GALNT13: variants seen among roughly 807,000 people sequenced by gnomAD.
GALNT13 encodes the protein polypeptide N-acetylgalactosaminyltransferase 13.
GALNT13 carries 28 observed loss-of-function variants against 64.2 expected under a neutral mutation model. The observed-to-expected ratio is 0.44, with a 90% confidence interval of 0.32 to 0.60. GALNT13 has a LOEUF of 0.60. GALNT13 is among the 20% of genes least tolerant of loss of function. The pLI, the probability that GALNT13 is intolerant of heterozygous loss-of-function variation, is 0.05. For synonymous variants in GALNT13, 214 were observed against 224.6 expected (o/e 0.95, Z 0.42); for missense variants, 577 against 669.8 (o/e 0.86, Z 1.53).
At chr2:153,293,290 T>C in the GALNT13 span, among the ~76,000 whole-genome samples, 1 of 152,104 alleles carries the variant, frequency 6.6e-6, no homozygotes, top group Non-Finnish European at 1.5e-5. Flanking sequence ...GCTTACCTTG[T>C]AATAATACAA....
chr2:154,364,559 C>T (rs538600156), intron 9 of GALNT13, among the ~76,000 whole-genome samples: 2 of 152,290 alleles, frequency 1.3e-5, no homozygotes, highest in African/African-American at 2.4e-5. Context: ...TCTTAAAATG[C>T]GGTTATCTAA....
the GALNT13 span, among the ~76,000 whole-genome samples, chr2:153,368,405 A>G: frequency 6.6e-6 from 1 of 152,106 alleles, no homozygotes; most frequent in East Asian, 1.9e-4. Flanking sequence ...TATCACTCTG[A>G]ATTTGGACTT....
chr2:154,183,162 C>A (rs185734686), intron 4 of GALNT13, among the ~76,000 whole-genome samples: 2 of 152,146 alleles, frequency 1.3e-5, no homozygotes, highest in East Asian at 3.9e-4. Flanking sequence ...AGCTCCTAGA[C>A]TTTTATTTGT....
chr2:153,205,344 A>G, the GALNT13 span, among the ~76,000 whole-genome samples: 1 of 151,922 alleles, frequency 6.6e-6, no homozygotes, highest in African/African-American at 2.4e-5. Context: ...ATTTTTGCTG[A>G]TCTAATGTCA....
chr2:154,167,868 T>C (rs2105689835), intron 4 of GALNT13, among the ~76,000 whole-genome samples: 1 of 152,256 alleles, frequency 6.6e-6, no homozygotes, highest in South Asian at 2.1e-4. Context: ...TGTCAGAACC[T>C]GAGCAAGGTA....
chr2:153,097,940 C>T, the GALNT13 span, among the ~76,000 whole-genome samples: 1 of 152,072 alleles, frequency 6.6e-6, no homozygotes, highest in Non-Finnish European at 1.5e-5. Context: ...GTCGTGGGCA[C>T]CTGTAGTCAC....
upstream of GALNT13, among the ~76,000 whole-genome samples, chr2:153,869,915 C>T (rs1685818922): frequency 6.6e-6 from 1 of 152,040 alleles, no homozygotes; most frequent in African/African-American, 2.4e-5. Flanking sequence ...AGCTTGCACT[C>T]CCTTGTTGCT....
At chr2:154,087,989 A>T (rs1701617710) in intron 3 of GALNT13, among the ~76,000 whole-genome samples, 1 of 152,056 alleles carries the variant, frequency 6.6e-6, no homozygotes, top group African/African-American at 2.4e-5. Flanking sequence ...AAATAATGGA[A>T]TTTGTTATGT....
At chr2:153,405,421 TC>T in the GALNT13 span, among the ~76,000 whole-genome samples, 1 of 152,162 alleles carries the variant, frequency 6.6e-6, no homozygotes, top group African/African-American at 2.4e-5. Flanking sequence ...TGCCTTTGCA[TC>T]CATAGGTAAC....
intron 11 of GALNT13, among the ~76,000 whole-genome samples, chr2:154,434,802 T>C (rs949469595): frequency 1.3e-4 from 20 of 152,184 alleles, no homozygotes; most frequent in African/African-American, 4.8e-4. Flanking sequence ...ATAGGATTCA[T>C]ACAAAGAGCT....
chr2:153,727,226 G>A, the GALNT13 span, among the ~76,000 whole-genome samples: 4 of 152,058 alleles, frequency 2.6e-5, no homozygotes, highest in East Asian at 7.7e-4. Flanking sequence ...TGCCTGTTTG[G>A]GAGCTTTGCC....
the GALNT13 span, among the ~76,000 whole-genome samples, chr2:153,727,720 A>C: frequency 6.8e-6 from 1 of 146,996 alleles, no homozygotes; most frequent in Non-Finnish European, 1.5e-5. Flanking sequence ...GAAGTCAAGC[A>C]CTTTTTTTCT....
chr2:153,524,264 A>T, the GALNT13 span, among the ~76,000 whole-genome samples: 1 of 151,192 alleles, frequency 6.6e-6, no homozygotes, highest in South Asian at 2.1e-4. Context: ...GGTTAATAGT[A>T]TTCTTGTAAT....
chr2:153,370,452 A>G, the GALNT13 span, among the ~76,000 whole-genome samples: 2 of 152,196 alleles, frequency 1.3e-5, no homozygotes, highest in East Asian at 3.8e-4. Context: ...CAATCTATAC[A>G]AAAAATAACA....
chr2:154,302,359 A>C (rs1263372291), intron 9 of GALNT13, among the ~76,000 whole-genome samples: 1 of 152,212 alleles, frequency 6.6e-6, no homozygotes, highest in Non-Finnish European at 1.5e-5. Context: ...GTTTTTATAT[A>C]GGCCTTATGG....
the GALNT13 span, among the ~76,000 whole-genome samples, chr2:153,110,390 A>T: frequency 1.3e-5 from 2 of 152,300 alleles, no homozygotes; most frequent in Middle Eastern, 3.4e-3. Context: ...AACAGCTACC[A>T]TCCAAATGTA....
intron 2 of GALNT13, among the ~76,000 whole-genome samples, chr2:153,932,567 A>T (rs1202372558): frequency 1.4e-5 from 2 of 146,520 alleles, no homozygotes; most frequent in Non-Finnish European, 3.0e-5. Flanking sequence ...GTTAATTTCC[A>T]TGTAATTGTA....
chr2:154,188,051 G>C (rs1686360552), intron 4 of GALNT13, among the ~76,000 whole-genome samples: 1 of 136,170 alleles, frequency 7.3e-6, no homozygotes, highest in Non-Finnish European at 1.6e-5. Context: ...TCTCTCTCCT[G>C]TTTTTCTGTT....
chr2:153,284,656 A>G, the GALNT13 span, among the ~76,000 whole-genome samples: 4 of 152,110 alleles, frequency 2.6e-5, no homozygotes, highest in Non-Finnish European at 5.9e-5. Context: ...TGAGTCACAG[A>G]AGGAGACTCT....
Sources: gnomAD v4.1 joint callset for allele counts (sites outside exome capture counted in the v4.1 genomes callset) on GRCh38, gnomAD v4.1.1 for gene constraint, MANE v1.5 for transcripts, NCBI Gene and HGNC (gene_info 2026-07-23, HGNC 2026-07-21) for gene names.